Variants in PRCP observed in about 807,000 individuals in gnomAD.
PRCP encodes the protein lysosomal Pro-X carboxypeptidase.
Under a neutral mutation model 54.2 loss-of-function variants are expected in PRCP, and 46 were observed. The observed-to-expected ratio is 0.85, with a 90% CI of 0.67 to 1.09. PRCP has a LOEUF of 1.09. Ranked by LOEUF, PRCP falls within the 50% of genes least tolerant of loss-of-function variation. The pLI, the probability that PRCP is intolerant of heterozygous loss-of-function variation, is 0.00. For synonymous variants in PRCP, 240 were observed against 212.2 expected (o/e 1.13, Z -1.14); for missense variants, 613 against 596.8 (o/e 1.03, Z -0.28).
chr11:82,838,795 T>C (rs745910809), intron 7 of PRCP, among the ~76,000 whole-genome samples: 4 of 152,218 alleles, frequency 2.6e-5, no homozygotes, highest in African/African-American at 4.8e-5. Flanking sequence ...TGTCCCTTCA[T>C]AGCAAACTGC....
At chr11:82,840,173 A>G (rs1001532948) in intron 6 of PRCP, 2 of 152,108 alleles carry the variant, frequency 1.3e-5, no homozygotes, top group African/African-American at 2.4e-5. Context: ...TCCTATCACT[A>G]TCCTATAAAA....
In PRCP at chr11:82,849,197, G is replaced by A. The variant is rs764712263; in HGVS notation, c.773C>T (p.Thr258Ile). 2 of 1,614,072 alleles carry A rather than the reference G, an allele frequency of 1.2e-6. No homozygotes were observed. The highest frequency in any genetic ancestry group is 1.7e-6 in the Non-Finnish European group (2 of 1,179,930). Residue 258 changes from threonine to isoleucine, a missense_variant, in exon 6 of 9, where the codon ACT becomes ATT. Physicochemically the swap from Thr to Ile is moderately conservative, Grantham distance 89. Coordinates refer to ENST00000313010, the MANE Select transcript of PRCP (RefSeq NM_005040.4). ...TGGGCTGCATAAGTGAAGGGCTCCA[G>A]TAAGCCACTGCAAACCACTGCCTGG... is the stretch of plus-strand genomic sequence containing the variant. ...SNTGSGLQWLTGALHLCSPLT... is the reference protein window; with the variant it reads ...SNTGSGLQWLIGALHLCSPLT...
chr11:82,843,410 T>C (rs914829367), intron 6 of PRCP: 1 of 152,098 alleles, frequency 6.6e-6, no homozygotes, highest in Non-Finnish European at 1.5e-5. Flanking sequence ...TTGAACCATA[T>C]GAAATTCTCA....
intron 6 of PRCP, among the ~76,000 whole-genome samples, chr11:82,841,522 C>T (rs1236801292): frequency 6.6e-6 from 1 of 152,100 alleles, no homozygotes; most frequent in Non-Finnish European, 1.5e-5. Context: ...TGTAATATGA[C>T]TTTCCAAAGG....
chr11:82,854,233 T>A (rs1403082640), intron 2 of PRCP, among the ~76,000 whole-genome samples: 3 of 152,182 alleles, frequency 2.0e-5, no homozygotes, highest in African/African-American at 7.2e-5. Flanking sequence ...TCACAAATGA[T>A]ATGATGCTAT....
intron 1 of PRCP, among the ~76,000 whole-genome samples, chr11:82,861,661 T>C (rs1565227198): frequency 6.6e-6 from 1 of 152,086 alleles, no homozygotes. Flanking sequence ...CCAGGAAATA[T>C]AAAGGTAAAA....
chr11:82,844,747 A>AAG (rs1858763601), intron 6 of PRCP, among the ~76,000 whole-genome samples: 1 of 136,096 alleles, frequency 7.3e-6, no homozygotes, highest in African/African-American at 2.9e-5. Flanking sequence ...AAAAAAAAAA[A>AAG]AAAGAAAGAA....
chr11:82,846,474 AGGCT>A (rs1212068646), intron 6 of PRCP, among the ~76,000 whole-genome samples: 1 of 152,038 alleles, frequency 6.6e-6, no homozygotes, highest in African/African-American at 2.4e-5. Flanking sequence ...GGTGGGGTGC[AGGCT>A]GGAAACAGAA....
chr11:82,850,401 A>G lies in PRCP; in HGVS notation c.516T>C (p.Pro172=). Residue 172 remains proline (P), a synonymous_variant, in exon 4 of 9, where the codon CCT becomes CCC. Transcript: ENST00000313010. The part of the protein sequence containing the change: ...KRTIPGAENQ[P]VIAIGGSYGG... ...CATAGGAGCCTCCTATGGCAATGAC[A>G]GGTTGATTTTCAGCTCCTGGGATTG... is the stretch of plus-strand genomic sequence containing the variant. 6.2e-7 allele frequency: 1 copy of G among 1,606,176 alleles called. No individual in the cohort carries two copies. The highest frequency in any genetic ancestry group is 1.1e-5 in the South Asian group (1 of 89,804).
intron 8 of PRCP, chr11:82,826,574 C>T (rs1471114105): frequency 6.6e-6 from 1 of 152,142 alleles, no homozygotes; most frequent in Non-Finnish European, 1.5e-5. Flanking sequence ...TTCCCAGTAG[C>T]AACATTTGAG....
chr11:82,843,590 C>A (rs1858727756), intron 6 of PRCP, among the ~76,000 whole-genome samples: 1 of 93,320 alleles, frequency 1.1e-5, no homozygotes, highest in Non-Finnish European at 2.2e-5. Flanking sequence ...CATCTCTGTC[C>A]AAAATACTCA....
At chr11:82,893,545 A>T (rs1175381932) in intron 1 of PRCP, among the ~76,000 whole-genome samples, 1 of 152,158 alleles carries the variant, frequency 6.6e-6, no homozygotes, top group Admixed American at 6.5e-5. Context: ...TAATCCTAGC[A>T]CTTTGGGAGA....
chr11:82,831,459 C>T (rs1858379734), intron 8 of PRCP: 1 of 152,212 alleles, frequency 6.6e-6, no homozygotes, highest in African/African-American at 2.4e-5. Context: ...CTTGAAATAA[C>T]CCTGTTAGGT....
chr11:82,826,531 G>C (rs776512515), intron 8 of PRCP: 1 of 152,114 alleles, frequency 6.6e-6, no homozygotes, highest in Non-Finnish European at 1.5e-5. Flanking sequence ...TTAGCTACCA[G>C]ACTACTTTCC....
chr11:82,834,908 C>T (rs1464484878), intron 8 of PRCP, among the ~76,000 whole-genome samples: 1 of 152,184 alleles, frequency 6.6e-6, no homozygotes, highest in Non-Finnish European at 1.5e-5. Flanking sequence ...AACCCCATCT[C>T]TACTAAAAAT....
intron 1 of PRCP, among the ~76,000 whole-genome samples, chr11:82,883,325 C>T (rs1433683926): frequency 6.6e-6 from 1 of 152,124 alleles, no homozygotes. Context: ...GAAAGATGAA[C>T]AGGAGTTTGC....
At position 82,849,750 on chromosome 11, in the gene PRCP, G is replaced by A. The variant is rs574038362; in HGVS notation, c.751+164C>T. Among the ~76,000 whole-genome samples the A allele has an allele frequency of 2.6e-5, 4 of 152,240 alleles. No homozygotes were observed. The South Asian group carries it at 8.3e-4, about 32-fold the overall frequency. On this transcript the variant is annotated intron_variant, in intron 5 of 8. Coordinates refer to ENST00000313010, the MANE Select transcript of PRCP (RefSeq NM_005040.4). ...TAATTATACTGTGTCCTTGCTTTGTGAAAATTCATCAAGCTACGCATTTTG... is the reference window on the plus strand; with the variant it reads ...TAATTATACTGTGTCCTTGCTTTGTAAAAATTCATCAAGCTACGCATTTTG...
At chr11:82,825,566 C>A in intron 8 of PRCP, 1 of 142,822 alleles carries the variant, frequency 7.0e-6, no homozygotes, top group Admixed American at 7.3e-5. Flanking sequence ...CCCAGGAGTT[C>A]AAAACAAGCC....
intron 1 of PRCP, chr11:82,884,919 A>G (rs757949548): frequency 3.1e-6 from 5 of 1,610,240 alleles, no homozygotes; most frequent in South Asian, 1.1e-5. Context: ...TATTACTAAT[A>G]TATTTTGAAA....
Sources: gnomAD v4.1 joint callset for allele counts (sites outside exome capture counted in the v4.1 genomes callset) on GRCh38, gnomAD v4.1.1 for gene constraint, MANE v1.5 for transcripts, NCBI Gene and HGNC (gene_info 2026-07-23, HGNC 2026-07-21) for gene names.